SPIDR: variants seen among roughly 807,000 people sequenced by gnomAD.
SPIDR encodes scaffold protein involved in DNA repair.
A neutral mutation model predicts 104.6 loss-of-function variants in SPIDR; 93 were observed. That is an observed-to-expected ratio of 0.89 (90% confidence interval 0.75 to 1.06). The LOEUF is 1.06. SPIDR is among the 50% of genes least tolerant of loss of function. The probability of loss-of-function intolerance (pLI) is 0.00; values close to 1 mark genes in which losing one functional copy is unlikely to be tolerated. For synonymous variants in SPIDR, 431 were observed against 416.9 expected (o/e 1.03, Z -0.41); for missense variants, 1,154 against 1,111.2 (o/e 1.04, Z -0.55).
chr8:47,363,082 C>T (rs995098560), intron 5 of SPIDR, among the ~76,000 whole-genome samples: 2 of 152,010 alleles, frequency 1.3e-5, no homozygotes, highest in African/African-American at 4.8e-5. Context: ...CAGTAAGTTT[C>T]TCAGGGCTCA....
chr8:47,724,746 C>T (rs1486697423), intron 16 of SPIDR, among the ~76,000 whole-genome samples: 1 of 152,218 alleles, frequency 6.6e-6, no homozygotes, highest in East Asian at 1.9e-4. Flanking sequence ...CAGCATCCCT[C>T]TGTCCATCCA....
intron 8 of SPIDR, chr8:47,592,051 A>G (rs2061083319): frequency 5.2e-6 from 5 of 952,574 alleles, no homozygotes; most frequent in East Asian, 2.5e-5. Context: ...TTATTCAGTA[A>G]TGTTTCTAAG....
At chr8:47,674,042 C>CTGGTTGT in intron 11 of SPIDR, 101 bp downstream of exon 11, 1 of 1,421,038 alleles carries the variant, frequency 7.0e-7, no homozygotes, top group East Asian at 2.5e-5. Flanking sequence ...AGGCAATAAA[C>CTGGTTGT]CAGGATCCTA....
intron 6 of SPIDR, among the ~76,000 whole-genome samples, chr8:47,400,544 C>G (rs2061738018): frequency 6.6e-6 from 1 of 152,050 alleles, no homozygotes; most frequent in Non-Finnish European, 1.5e-5. Context: ...ACTTTTTTAC[C>G]TGATAAAGAC....
At chr8:47,517,212 C>G (rs535328439) in intron 8 of SPIDR, among the ~76,000 whole-genome samples, 77 of 152,284 alleles carry the variant, frequency 5.1e-4, no homozygotes, top group Admixed American at 2.0e-3. Flanking sequence ...TCTTGAACTT[C>G]TGACCTCAAG....
rs112579480 is a variant in SPIDR, at chr8:47,615,335, G to A, written c.1544+16139G>A. Among the ~76,000 whole-genome samples the A allele has an allele frequency of 3.1e-3, 476 of 152,084 alleles. 2 individuals carry two copies. Among genetic ancestry groups the A allele is most frequent in the African/African-American group, 0.011 (459 of 41,502 alleles). ...TCCAAGGTCATGAAGATTTACTCCT[G>A]TGTTTTTGTTCAAGAATGTTACAGT... On this transcript the variant is annotated intron_variant, in intron 10 of 19. Transcript: ENST00000297423.
At chr8:47,608,751 G>A (rs1169747431) in intron 10 of SPIDR, among the ~76,000 whole-genome samples, 1 of 152,106 alleles carries the variant, frequency 6.6e-6, no homozygotes, top group East Asian at 1.9e-4. Context: ...TTGAGATGGA[G>A]TCTCGCTCTG....
intron 5 of SPIDR, among the ~76,000 whole-genome samples, chr8:47,386,504 A>T (rs2154303817): frequency 6.6e-6 from 1 of 152,238 alleles, no homozygotes; most frequent in African/African-American, 2.4e-5. Flanking sequence ...GGAGAGGTGG[A>T]ACAGCATTTT....
At chr8:47,317,398 C>T (rs1385056505) in intron 5 of SPIDR, among the ~76,000 whole-genome samples, 1 of 152,026 alleles carries the variant, frequency 6.6e-6, no homozygotes, top group Non-Finnish European at 1.5e-5. Flanking sequence ...AGCAGCGAGG[C>T]TGGGGGAGGG....
chr8:47,505,834 C>A (rs557499821), intron 8 of SPIDR, among the ~76,000 whole-genome samples: 1 of 152,308 alleles, frequency 6.6e-6, no homozygotes, highest in East Asian at 1.9e-4. Context: ...TATTAGTGTT[C>A]ACTCTCTCCG....
chr8:47,428,785 C>G (rs1266193683), intron 7 of SPIDR, among the ~76,000 whole-genome samples: 1 of 152,132 alleles, frequency 6.6e-6, no homozygotes, highest in Non-Finnish European at 1.5e-5. Context: ...CTGCCAGTGC[C>G]CACTCAGCGT....
At chr8:47,356,592 A>C (rs1207620775) in intron 5 of SPIDR, among the ~76,000 whole-genome samples, 1 of 152,218 alleles carries the variant, frequency 6.6e-6, no homozygotes, top group Non-Finnish European at 1.5e-5. Flanking sequence ...ACGATAGTTA[A>C]ATTTTAAGTA....
chr8:47,500,274 TC>T (rs1350758380), intron 8 of SPIDR, among the ~76,000 whole-genome samples: 1 of 152,226 alleles, frequency 6.6e-6, no homozygotes, highest in Middle Eastern at 3.2e-3. Context: ...GTAAAAGTGT[TC>T]CTATTTCTCT....
chr8:47,365,899 G>A (rs970624148), intron 5 of SPIDR, among the ~76,000 whole-genome samples: 2 of 151,906 alleles, frequency 1.3e-5, no homozygotes, highest in African/African-American at 4.8e-5. Flanking sequence ...AAAGCAAAAT[G>A]CATTTAATTT....
chr8:47,503,058 T>C (rs1314204565), intron 8 of SPIDR, among the ~76,000 whole-genome samples: 1 of 152,208 alleles, frequency 6.6e-6, no homozygotes, highest in Non-Finnish European at 1.5e-5. Flanking sequence ...TACTTCCAAC[T>C]ATGTGGTCAG....
chr8:47,483,687 A>G (rs2077174103), intron 8 of SPIDR, among the ~76,000 whole-genome samples: 1 of 152,178 alleles, frequency 6.6e-6, no homozygotes, highest in Non-Finnish European at 1.5e-5. Flanking sequence ...TCTTTTTTCT[A>G]GGGAGAAGAT....
chr8:47,549,546 C>T (rs1206294074), intron 8 of SPIDR, among the ~76,000 whole-genome samples: 2 of 152,156 alleles, frequency 1.3e-5, no homozygotes. Context: ...TTTCATATGT[C>T]TGTTGGCTGC....
intron 7 of SPIDR, among the ~76,000 whole-genome samples, chr8:47,430,791 A>G (rs372454080): frequency 1.2e-4 from 18 of 152,234 alleles, no homozygotes; most frequent in Admixed American, 5.2e-4. Context: ...TAGCCATATG[A>G]CCTTTTAAAA....
chr8:47,643,594 A>G (rs919170583), intron 10 of SPIDR, among the ~76,000 whole-genome samples: 7 of 152,094 alleles, frequency 4.6e-5, no homozygotes, highest in African/African-American at 1.7e-4. Flanking sequence ...TCAAACTCCT[A>G]GGCTCAAGTG....
Sources: gnomAD v4.1 joint callset for allele counts (sites outside exome capture counted in the v4.1 genomes callset) on GRCh38, gnomAD v4.1.1 for gene constraint, MANE v1.5 for transcripts, NCBI Gene and HGNC (gene_info 2026-07-23, HGNC 2026-07-21) for gene names.